SCD5: variants seen among roughly 807,000 people sequenced by gnomAD.
The protein encoded by SCD5 is stearoyl-CoA desaturase 5.
In SCD5, 20 loss-of-function variants were observed where a neutral mutation model predicts 30.4. The ratio of observed to expected loss-of-function variants is 0.66; its 90% confidence interval spans 0.46 to 0.96. The LOEUF (loss-of-function observed/expected upper bound fraction) is 0.96, where lower values mean the gene tolerates loss of function less well. Ranked by LOEUF, SCD5 falls within the 40% of genes least tolerant of loss-of-function variation. SCD5 has a pLI of 0.00. For synonymous variants in SCD5, 173 were observed against 176.4 expected (o/e 0.98, Z 0.16); for missense variants, 381 against 443.3 (o/e 0.86, Z 1.26).
rs192606656 is a variant in SCD5 at position 82,636,938 on chromosome 4, C to T, written c.570-115G>A. The T allele has an allele frequency of 8.6e-6, 7 of 818,126 alleles. No individual in the cohort carries two copies. In the South Asian group the frequency reaches 1.3e-4, roughly 15 times the overall value. The allele number at this position is 818,126 out of a possible 1,614,324, so 50.7% of individuals were successfully genotyped here. A position where few individuals can be genotyped will look rare whatever the true frequency, so the allele number is the denominator to read the frequency against. ...CCAGGGAGAGAACTGTGCCAGTCAG[C>T]TCCTTCAACGCTTTCTATATGTGGA... On this transcript the variant is annotated intron_variant, in intron 3 of 4. Transcript: ENST00000319540.
intron 3 of SCD5, among the ~76,000 whole-genome samples, chr4:82,671,457 A>G (rs1025032772): frequency 2.0e-5 from 3 of 152,246 alleles, no homozygotes; most frequent in Non-Finnish European, 2.9e-5. Flanking sequence ...TCAAGCTCAC[A>G]TAGAACATTC....
At chr4:82,640,119 G>A (rs7677680) in intron 3 of SCD5, among the ~76,000 whole-genome samples, 101,055 of 152,006 alleles carry the variant, frequency 0.66, 33,717 homozygotes, top group Admixed American at 0.75. Flanking sequence ...CCCCAGTCCT[G>A]TGGAATCGGC....
Position 82,705,267 on chromosome 4 carries a change from G to T in SCD5, c.363+16C>A. ...GCACTGGGTCTCCCAACACAGAGAG[G>T]ACCCTCCATCCTCACCTGGAAAGCC... On this transcript the variant is annotated intron_variant, in intron 2 of 4. Coordinates refer to ENST00000319540, the MANE Select transcript of SCD5 (RefSeq NM_001037582.3). 6.2e-7 allele frequency: 1 copy of T among 1,613,826 alleles called. No homozygotes were observed. Among genetic ancestry groups the T allele is most frequent in the Non-Finnish European group, 8.5e-7 (1 of 1,179,818 alleles).
At chr4:82,794,866 T>C (rs1722177607) in intron 1 of SCD5, among the ~76,000 whole-genome samples, 1 of 152,054 alleles carries the variant, frequency 6.6e-6, no homozygotes, top group African/African-American at 2.4e-5. Flanking sequence ...TTAGCGAGGA[T>C]GGTCTCGATC....
At chr4:82,632,612 A>T (rs1727319619) in intron 4 of SCD5, among the ~76,000 whole-genome samples, 1 of 152,176 alleles carries the variant, frequency 6.6e-6, no homozygotes, top group Non-Finnish European at 1.5e-5. Context: ...GAATTGCCAC[A>T]CTGTCTTCCA....
rs1240129036 is a variant in SCD5 at position 82,629,702 on chromosome 4, T to C, written c.*1625A>G. The C allele has an allele frequency of 6.6e-6, 1 of 152,206 alleles. No homozygotes were observed. Among genetic ancestry groups the C allele is most frequent in the South Asian group, 2.1e-4 (1 of 4,824 alleles). The allele number at this position is 152,206 out of a possible 1,614,324, so 9.4% of individuals were successfully genotyped here. On this transcript the variant is annotated 3_prime_UTR_variant, in exon 5 of 5. Coordinates refer to ENST00000319540, the MANE Select transcript of SCD5 (RefSeq NM_001037582.3). ...AAATTTAACTTTTAAATCCTACATC[T>C]TTTCTGAAAATATCTATCTTCAAAG...
chr4:82,668,346 T>C (rs1403442457), intron 3 of SCD5, among the ~76,000 whole-genome samples: 1 of 152,056 alleles, frequency 6.6e-6, no homozygotes, highest in Non-Finnish European at 1.5e-5. Flanking sequence ...AAGGTGTCTG[T>C]AGAGAGAGGG....
chr4:82,653,069 G>T (rs1390415752), intron 3 of SCD5, among the ~76,000 whole-genome samples: 2 of 152,106 alleles, frequency 1.3e-5, no homozygotes, highest in Non-Finnish European at 2.9e-5. Flanking sequence ...CAGGAGGATC[G>T]CCTGAGCCTG....
chr4:82,786,945 C>G (rs1479179882), intron 1 of SCD5, among the ~76,000 whole-genome samples: 1 of 152,176 alleles, frequency 6.6e-6, no homozygotes, highest in Non-Finnish European at 1.5e-5. Flanking sequence ...TCCCGCTCTA[C>G]ACATTTTTCT....
intron 1 of SCD5, among the ~76,000 whole-genome samples, chr4:82,733,200 T>C (rs1406396184): frequency 1.3e-5 from 2 of 152,108 alleles, no homozygotes; most frequent in Non-Finnish European, 1.5e-5. Context: ...GGTCAGGCTC[T>C]CCACGCACAC....
At chr4:82,665,755 A>T (rs1728172338) in intron 3 of SCD5, among the ~76,000 whole-genome samples, 1 of 152,170 alleles carries the variant, frequency 6.6e-6, no homozygotes, top group Non-Finnish European at 1.5e-5. Context: ...ATACAAAAAT[A>T]AAGAAGCTGG....
Position 82,694,891 on chromosome 4 carries a change from G to GT in SCD5, c.363+10391dup, listed in dbSNP as rs995548988. On this transcript the variant is annotated intron_variant, in intron 2 of 4. Transcript: ENST00000319540. ...TTCTGTTCAAGGGTTAACTGTAATC[G>GT]TAAGTATAGGACTTTCCTGAGTTCT... 2.4e-4 allele frequency among the ~76,000 whole-genome samples: 37 copies of GT among 152,146 alleles called. 1 individual carries two copies. The highest frequency in any genetic ancestry group is 1.8e-4 in the Non-Finnish European group (12 of 68,020).
chr4:82,705,092 A>C (rs1012708690), intron 2 of SCD5, among the ~76,000 whole-genome samples, 191 bp downstream of exon 2: 1 of 151,888 alleles, frequency 6.6e-6, no homozygotes, highest in Admixed American at 6.6e-5. Context: ...AGGGCACAAA[A>C]CCCCCCCAGG....
chr4:82,737,003 T>G (rs959693398), intron 1 of SCD5, among the ~76,000 whole-genome samples: 8 of 151,810 alleles, frequency 5.3e-5, no homozygotes, highest in East Asian at 3.9e-4. Flanking sequence ...ATTTTTAGGG[T>G]TTTTTTTCCT....
chr4:82,710,484 T>G (rs866170146), intron 1 of SCD5, among the ~76,000 whole-genome samples: 4 of 152,122 alleles, frequency 2.6e-5, no homozygotes, highest in African/African-American at 9.7e-5. Flanking sequence ...CCCTAGGCTC[T>G]CAGCTGCAGA....
intron 1 of SCD5, among the ~76,000 whole-genome samples, chr4:82,723,991 T>C (rs1180665675): frequency 3.3e-5 from 5 of 151,886 alleles, no homozygotes; most frequent in African/African-American, 9.7e-5. Flanking sequence ...TTTTAGGGGA[T>C]GTGTATGGAA....
At chr4:82,763,921 T>C (rs944389703) in intron 1 of SCD5, among the ~76,000 whole-genome samples, 1 of 152,210 alleles carries the variant, frequency 6.6e-6, no homozygotes, top group African/African-American at 2.4e-5. Context: ...ACATGAGTGG[T>C]TATGTCCTCT....
chr4:82,706,632 C>T (rs1719975992), intron 1 of SCD5, among the ~76,000 whole-genome samples: 1 of 152,272 alleles, frequency 6.6e-6, no homozygotes, highest in Admixed American at 6.5e-5. Flanking sequence ...TCTTCTGGCT[C>T]AAAGCCTAAG....
chr4:82,705,318 T>G lies in SCD5; in HGVS notation c.328A>C (p.Ile110Leu). ...RSYRAKLPLR[I>L]FLAVANSMAF... Reference sequence around the variant, plus strand: ...ATGGAGTTGGCGACAGCCAGAAATATCCTCAGAGGCAGCTTGGCCCGGTAG... The same window carrying G: ...ATGGAGTTGGCGACAGCCAGAAATAGCCTCAGAGGCAGCTTGGCCCGGTAG... The change falls in exon 2 of 5, where the codon ATA (isoleucine) becomes CTA (leucine). Residue 110 changes from isoleucine to leucine, a missense_variant. Coordinates refer to ENST00000319540, the MANE Select transcript of SCD5 (RefSeq NM_001037582.3). 1.2e-6 allele frequency: 2 copies of G among 1,614,182 alleles called. No individual in the cohort carries two copies. The highest frequency in any genetic ancestry group is 1.7e-6 in the Non-Finnish European group (2 of 1,180,036).
Sources: gnomAD v4.1 joint callset for allele counts (sites outside exome capture counted in the v4.1 genomes callset) on GRCh38, gnomAD v4.1.1 for gene constraint, MANE v1.5 for transcripts, NCBI Gene and HGNC (gene_info 2026-07-23, HGNC 2026-07-21) for gene names.